Variants in SUSD4 observed in about 807,000 individuals in gnomAD.
The protein encoded by SUSD4 is sushi domain containing 4.
A neutral mutation model predicts 50.5 loss-of-function variants in SUSD4; 41 were observed. The observed-to-expected ratio is 0.81, with a 90% CI of 0.63 to 1.05. The LOEUF (loss-of-function observed/expected upper bound fraction) is 1.05. Among genes scored for constraint, SUSD4 ranks in the 50% least tolerant of loss-of-function variants. SUSD4 has a pLI of 0.00. For synonymous variants in SUSD4, 257 were observed against 257.3 expected, an observed-to-expected ratio of 1.00 and a Z score of 0.01; for missense variants, 580 against 634.7, an observed-to-expected ratio of 0.91 and a Z score of 0.93.
chr1:223,275,145 T>C (rs1179790226), intron 3 of SUSD4, among the ~76,000 whole-genome samples: 1 of 152,138 alleles, frequency 6.6e-6, no homozygotes, highest in East Asian at 1.9e-4. Flanking sequence ...AAGTAGAGAG[T>C]GCTTAACGGA....
At chr1:223,354,624 C>T (rs186892358) in intron 2 of SUSD4, among the ~76,000 whole-genome samples, 21 of 152,280 alleles carry the variant, frequency 1.4e-4, no homozygotes, top group African/African-American at 4.3e-4. Flanking sequence ...CAGATGAGCC[C>T]CCCAACACAC....
At chr1:223,300,524 G>C (rs2103177488) in intron 2 of SUSD4, among the ~76,000 whole-genome samples, 1 of 152,268 alleles carries the variant, frequency 6.6e-6, no homozygotes, top group Admixed American at 6.5e-5. Context: ...GCAATCTTTT[G>C]GGTTATTATA....
chr1:223,347,432 C>T (rs955822461), intron 2 of SUSD4, among the ~76,000 whole-genome samples: 3 of 152,060 alleles, frequency 2.0e-5, no homozygotes, highest in African/African-American at 7.3e-5. Flanking sequence ...ACAAATTCTC[C>T]CCTCTTCACA....
chr1:223,242,934 G>T (rs780933317), intron 5 of SUSD4, among the ~76,000 whole-genome samples: 19 of 152,182 alleles, frequency 1.2e-4, no homozygotes, highest in Non-Finnish European at 2.5e-4. Flanking sequence ...CGTCCCACTT[G>T]TAGGTTAGGC....
At chr1:223,329,995 C>A (rs146321575) in intron 2 of SUSD4, among the ~76,000 whole-genome samples, 1 of 151,958 alleles carries the variant, frequency 6.6e-6, no homozygotes, top group African/African-American at 2.4e-5. Flanking sequence ...ACTGGACAGA[C>A]AAATGTGTGG....
intron 2 of SUSD4, among the ~76,000 whole-genome samples, chr1:223,320,593 C>A (rs1348786093): frequency 6.6e-6 from 1 of 152,242 alleles, no homozygotes; most frequent in South Asian, 2.1e-4. Flanking sequence ...TTGAGTGGAA[C>A]AGAGCAAGGG....
intron 3 of SUSD4, among the ~76,000 whole-genome samples, chr1:223,277,446 C>T (rs1449061810): frequency 6.6e-6 from 1 of 151,898 alleles, no homozygotes; most frequent in Non-Finnish European, 1.5e-5. Flanking sequence ...AACCAGGGAC[C>T]CTGGGACAAA....
chr1:223,309,212 A>G (rs965741805), intron 2 of SUSD4, among the ~76,000 whole-genome samples: 16 of 152,230 alleles, frequency 1.1e-4, no homozygotes, highest in African/African-American at 3.9e-4. Context: ...TTAAATATAA[A>G]GAGGTAGCCC....
rs915162781 is a variant in SUSD4, at chr1:223,229,819, G to A, written c.725-431C>T. On this transcript the variant is annotated intron_variant, in intron 5 of 8. Coordinates refer to ENST00000366878, the MANE Select transcript of SUSD4 (RefSeq NM_017982.4). The surrounding 1 kb of genome is among the most constrained non-coding windows in gnomAD (Gnocchi z 4.7). ...TTCTGTGACCACAGTAGTAATTTGG[G>A]TCTATTAAAATCACAGGGCAGTGTC... 3.3e-5 allele frequency among the ~76,000 whole-genome samples: 5 copies of A among 152,182 alleles called. No individual in the cohort carries two copies. The highest frequency in any genetic ancestry group is 1.2e-4 in the African/African-American group (5 of 41,442).
rs148171220 is a variant in SUSD4, at chr1:223,353,593, A to G, written c.148+9685T>C. On this transcript the variant is annotated intron_variant, in intron 2 of 8. Transcript: ENST00000366878. ...GTGATGGAGAGATCACTCTCTAACA[A>G]TTGAATACTTTGAAGATGAACTGAC... 7.5e-3 allele frequency among the ~76,000 whole-genome samples: 1,139 copies of G among 152,294 alleles called. 11 individuals are homozygous for G. Among genetic ancestry groups the G allele is most frequent in the African/African-American group, 0.025 (1,054 of 41,562 alleles).
intron 5 of SUSD4, among the ~76,000 whole-genome samples, chr1:223,262,398 A>C (rs1662185796): frequency 6.6e-6 from 1 of 152,218 alleles, no homozygotes; most frequent in Non-Finnish European, 1.5e-5. Flanking sequence ...GAAGACAGAA[A>C]GATGAGGAGT....
At chr1:223,288,933 TTGAG>T (rs1371927300) in intron 3 of SUSD4, among the ~76,000 whole-genome samples, 2 of 152,226 alleles carry the variant, frequency 1.3e-5, no homozygotes, top group Admixed American at 6.5e-5. Flanking sequence ...GACGTATGTG[TTGAG>T]TAAGTGTTTG....
chr1:223,351,530 G>A (rs987545873), intron 2 of SUSD4, among the ~76,000 whole-genome samples: 2 of 152,188 alleles, frequency 1.3e-5, no homozygotes, highest in Non-Finnish European at 2.9e-5. Context: ...TGGAGCTGGG[G>A]AGGAAGCCAA....
At chr1:223,261,613 T>C (rs1421254266) in intron 5 of SUSD4, among the ~76,000 whole-genome samples, 2 of 152,216 alleles carry the variant, frequency 1.3e-5, no homozygotes, top group Admixed American at 1.3e-4. Context: ...GTTCTTATTG[T>C]TCAGTATGTC....
chr1:223,324,598 T>C (rs1666768106), intron 2 of SUSD4, among the ~76,000 whole-genome samples: 1 of 151,622 alleles, frequency 6.6e-6, no homozygotes, highest in Non-Finnish European at 1.5e-5. Flanking sequence ...GCTTCTCCTC[T>C]CTCAAGATCA....
At position 223,333,875 on chromosome 1, in the gene SUSD4, G is replaced by A. The variant is rs76779923; in HGVS notation, c.148+29403C>T. ...TTCACTCTGTGGAAGCCCCAGACTC[G>A]GAGAAAACGAAAAGCCTTAGAGAAA... On this transcript the variant is annotated intron_variant, in intron 2 of 8. Transcript: ENST00000366878. Among the ~76,000 whole-genome samples, 90 of 152,268 alleles carry A rather than the reference G, an allele frequency of 5.9e-4. 2 individuals carry two copies. The highest frequency in any genetic ancestry group is 6.8e-3 in the Middle Eastern group (2 of 294).
At chr1:223,297,028 G>T (rs1183626927) in intron 2 of SUSD4, among the ~76,000 whole-genome samples, 1 of 152,228 alleles carries the variant, frequency 6.6e-6, no homozygotes. Flanking sequence ...GACCTGACCA[G>T]TGTCCCCAAA....
chr1:223,317,893 C>G (rs1355928918), intron 2 of SUSD4, among the ~76,000 whole-genome samples: 1 of 96,144 alleles, frequency 1.0e-5, no homozygotes, highest in Admixed American at 1.5e-4. Context: ...TTTTAGGGTA[C>G]ATGTGCACAT....
Position 223,220,984 on chromosome 1 carries a change from G to C in SUSD4, c.*1208C>G. On this transcript the variant is annotated 3_prime_UTR_variant, in exon 9 of 9. Coordinates refer to ENST00000366878, the MANE Select transcript of SUSD4 (RefSeq NM_017982.4). Reference sequence around the variant, plus strand: ...GAGAAGGAAAGGAATCAACTCCACAGATCAACATGTATTTGAAGAGACACT... The same window carrying C: ...GAGAAGGAAAGGAATCAACTCCACACATCAACATGTATTTGAAGAGACACT... The C allele has an allele frequency of 2.5e-6, 1 of 400,792 alleles. No individual in the cohort carries two copies. The highest frequency in any genetic ancestry group is 4.4e-6 in the Non-Finnish European group (1 of 226,246). The allele number at this position is 400,792 out of a possible 1,614,324, so 24.8% of individuals were successfully genotyped here. A position where few individuals can be genotyped will look rare whatever the true frequency, so the allele number is the denominator to read the frequency against.
Sources: allele counts gnomAD v4.1 joint callset (sites outside exome capture counted in the v4.1 genomes callset), GRCh38; gene constraint gnomAD v4.1.1; non-coding constraint Gnocchi (gnomAD v3.1); transcripts MANE v1.5; gene names NCBI Gene and HGNC (gene_info 2026-07-23, HGNC 2026-07-21).